The following RPS6KA2 variants were observed in gnomAD, a reference collection of about 807,000 sequenced individuals.
RPS6KA2 encodes the protein ribosomal protein S6 kinase alpha-2.
In RPS6KA2, 42 loss-of-function variants were observed where a neutral mutation model predicts 91.8. The observed-to-expected ratio is 0.46, with a 90% CI of 0.36 to 0.59. RPS6KA2 has a LOEUF of 0.59. Ranked by LOEUF, RPS6KA2 falls within the 20% of genes least tolerant of loss-of-function variation. The pLI is 0.00. For missense variants in RPS6KA2, 798 were observed against 978.5 expected (o/e 0.82, Z 2.46); for synonymous variants, 414 against 393.6 (o/e 1.05, Z -0.61).
upstream of RPS6KA2, among the ~76,000 whole-genome samples, chr6:166,630,078 C>G (rs994091030): frequency 2.0e-5 from 3 of 152,104 alleles, no homozygotes; most frequent in African/African-American, 7.2e-5. Context: ...TGCTCTGAAC[C>G]CCTGAGGGTA....
At chr6:166,834,948 G>A (rs945776622) in intron 2 of RPS6KA2, among the ~76,000 whole-genome samples, 1 of 151,992 alleles carries the variant, frequency 6.6e-6, no homozygotes, top group African/African-American at 2.4e-5. Flanking sequence ...ATTGTTTTAG[G>A]TCTTAAATTT....
intron 13 of RPS6KA2, among the ~76,000 whole-genome samples, chr6:166,449,837 C>CAGGAACCACTACA (rs1779804774): frequency 1.1e-5 from 1 of 89,138 alleles, no homozygotes; most frequent in African/African-American, 4.0e-5. Context: ...GGGACCACCA[C>CAGGAACCACTACA]GGGACAACCA....
At chr6:166,855,591 C>T (rs866091218) in intron 2 of RPS6KA2, among the ~76,000 whole-genome samples, 1 of 152,236 alleles carries the variant, frequency 6.6e-6, no homozygotes, top group Middle Eastern at 3.4e-3. Context: ...CTAGAGAAGA[C>T]CTTGCAAATA....
chr6:166,454,799 T>C (rs1414761456), intron 12 of RPS6KA2, among the ~76,000 whole-genome samples: 1 of 151,762 alleles, frequency 6.6e-6, no homozygotes. Context: ...AAAAAGCTGT[T>C]GAACAATATG....
At chr6:166,438,023 A>T (rs1455197097) in intron 14 of RPS6KA2, among the ~76,000 whole-genome samples, 1 of 152,032 alleles carries the variant, frequency 6.6e-6, no homozygotes, top group Non-Finnish European at 1.5e-5. Context: ...CTTGCAGAAC[A>T]CTCCCACTAG....
intron 1 of RPS6KA2, among the ~76,000 whole-genome samples, chr6:166,574,942 T>A (rs1046056525): frequency 6.6e-6 from 1 of 151,776 alleles, no homozygotes; most frequent in African/African-American, 2.4e-5. Context: ...CTACCAAGGA[T>A]CTACTTTTGT....
At chr6:166,619,204 GAGAC>G (rs967677486) in intron 1 of RPS6KA2, among the ~76,000 whole-genome samples, 1 of 152,210 alleles carries the variant, frequency 6.6e-6, no homozygotes, top group Admixed American at 6.5e-5. Flanking sequence ...CTAGAAATAA[GAGAC>G]AGACCCAACC....
At position 166,794,843 on chromosome 6, in the gene RPS6KA2, C is replaced by T. The variant is rs185304265; in HGVS notation, c.123+63357G>A. 8.9e-3 allele frequency among the ~76,000 whole-genome samples: 1,097 copies of T among 122,632 alleles called. 16 individuals are homozygous for T. The highest frequency in any genetic ancestry group is 0.033 in the African/African-American group (1,044 of 31,362). The allele number at this position is 122,632 out of a possible 152,430, so 80.5% of individuals were successfully genotyped here. On this transcript the variant is annotated intron_variant, in intron 2 of 21. Coordinates refer to the RPS6KA2 transcript ENST00000503859. ...ACACAGGAAGGGGAACATCACACTC[C>T]GGGGACTGTTGTGGGGTGGGGGGAG...
chr6:166,677,025 T>G (rs1788639638), intron 2 of RPS6KA2, among the ~76,000 whole-genome samples: 1 of 152,242 alleles, frequency 6.6e-6, no homozygotes, highest in Admixed American at 6.5e-5. Flanking sequence ...TTTAGTTAAC[T>G]TGGAGAAATC....
chr6:166,788,801 A>G (rs1446884843), intron 2 of RPS6KA2, among the ~76,000 whole-genome samples: 1 of 152,208 alleles, frequency 6.6e-6, no homozygotes, highest in Non-Finnish European at 1.5e-5. Flanking sequence ...ATGTATGTAT[A>G]TGTACCAAAC....
intron 1 of RPS6KA2, among the ~76,000 whole-genome samples, chr6:166,575,398 C>A (rs1435534976): frequency 6.6e-6 from 1 of 152,130 alleles, no homozygotes; most frequent in African/African-American, 2.4e-5. Context: ...CGAGAGGGCA[C>A]CTTTTGCCAA....
At chr6:166,591,329 C>T (rs1231725794) in intron 1 of RPS6KA2, among the ~76,000 whole-genome samples, 1 of 152,206 alleles carries the variant, frequency 6.6e-6, no homozygotes, top group African/African-American at 2.4e-5. Flanking sequence ...CACAGTGTGG[C>T]TGCTTCCGTC....
At position 166,767,378 on chromosome 6, in the gene RPS6KA2, G is replaced by A. The variant is rs192417802; in HGVS notation, c.123+90822C>T. ...CTAACCAAGACCACAAAGGCCGCGC[G>A]GATCAATGTGCTCCAGATCAATGCG... is the stretch of plus-strand genomic sequence containing the variant. On this transcript the variant is annotated intron_variant, in intron 2 of 21. Coordinates refer to the RPS6KA2 transcript ENST00000503859. This position sits in a 1 kb window ranked among gnomAD's most constrained non-coding sequence, Gnocchi z 4.6. 3.4e-4 allele frequency among the ~76,000 whole-genome samples: 52 copies of A among 152,324 alleles called. No homozygotes were observed. Among genetic ancestry groups the A allele is most frequent in the Non-Finnish European group, 5.4e-4 (37 of 68,024 alleles).
intron 1 of RPS6KA2, among the ~76,000 whole-genome samples, chr6:166,558,389 G>A (rs569416838): frequency 4.0e-5 from 6 of 151,484 alleles, no homozygotes; most frequent in African/African-American, 9.8e-5. Context: ...AGGCCTACCC[G>A]TATCTAGGGG....
chr6:166,804,481 C>T (rs1188367515), intron 2 of RPS6KA2, among the ~76,000 whole-genome samples: 3 of 151,192 alleles, frequency 2.0e-5, no homozygotes, highest in African/African-American at 7.3e-5. Flanking sequence ...TGCAACTAGA[C>T]TAACAAGACA....
chr6:166,782,019 G>T (rs970362033), intron 2 of RPS6KA2, among the ~76,000 whole-genome samples: 3 of 152,230 alleles, frequency 2.0e-5, no homozygotes, highest in Non-Finnish European at 4.4e-5. Context: ...GCCGGGCATG[G>T]TGACTCACAC....
chr6:166,485,723 G>T (rs556938276), intron 10 of RPS6KA2, among the ~76,000 whole-genome samples: 1 of 126,970 alleles, frequency 7.9e-6, no homozygotes, highest in Non-Finnish European at 1.9e-5. Context: ...GGTGATGAAC[G>T]GGGGGGTCTG....
intron 1 of RPS6KA2, among the ~76,000 whole-genome samples, chr6:166,581,901 T>G (rs1219158469): frequency 2.7e-4 from 12 of 45,254 alleles, no homozygotes; most frequent in Admixed American, 5.6e-4. Context: ...CGGGATGGGG[T>G]GGAATGCCCA....
rs1486853715 is a variant in RPS6KA2 at position 166,533,466 on chromosome 6, T to G, written c.217-2153A>C. On this transcript the variant is annotated intron_variant, in intron 2 of 20. Coordinates refer to ENST00000265678, the MANE Select transcript of RPS6KA2 (RefSeq NM_021135.6). This position sits in a 1 kb window ranked among gnomAD's most constrained non-coding sequence, Gnocchi z 4.0. ...GGTGTGGAACAAGGGACAGTTGTGTTTGTGGCAGGGACGCCACATTTCCCC... is the reference window on the plus strand; with the variant it reads ...GGTGTGGAACAAGGGACAGTTGTGTGTGTGGCAGGGACGCCACATTTCCCC... Among the ~76,000 whole-genome samples, 1 of 152,246 alleles carries G rather than the reference T, an allele frequency of 6.6e-6. No individual in the cohort carries two copies. Among genetic ancestry groups the G allele is most frequent in the African/African-American group, 2.4e-5 (1 of 41,468 alleles).
Sources: allele counts gnomAD v4.1 joint callset (sites outside exome capture counted in the v4.1 genomes callset), GRCh38; gene constraint gnomAD v4.1.1; non-coding constraint Gnocchi (gnomAD v3.1); transcripts MANE v1.5; gene names NCBI Gene and HGNC (gene_info 2026-07-23, HGNC 2026-07-21).